Variants in NCOA1 observed in about 807,000 individuals in gnomAD.
The protein encoded by NCOA1 is Hin-2 protein.
NCOA1 carries 35 observed loss-of-function variants against 150.9 expected under a neutral mutation model. The ratio of observed to expected loss-of-function variants is 0.23; its 90% CI spans 0.18 to 0.31. NCOA1 has a LOEUF of 0.31. Among genes scored for constraint, NCOA1 ranks in the 10% least tolerant of loss-of-function variants. The pLI, the probability that NCOA1 is intolerant of heterozygous loss-of-function variation, is 1.00. For missense variants in NCOA1, 1,491 were observed against 1,749.3 expected (o/e 0.85, Z 2.63); for synonymous variants, 590 against 630.0 (o/e 0.94, Z 0.95).
chr2:24,649,019 C>A (rs1419524741), intron 4 of NCOA1, among the ~76,000 whole-genome samples: 1 of 151,866 alleles, frequency 6.6e-6, no homozygotes, highest in African/African-American at 2.4e-5. Context: ...TTTTTCTGCC[C>A]ACTATTATCT....
At chr2:24,575,666 C>T (rs1321851523) in intron 2 of NCOA1, among the ~76,000 whole-genome samples, 3 of 151,652 alleles carry the variant, frequency 2.0e-5, no homozygotes, top group South Asian at 4.2e-4. Context: ...CTCCACCTCC[C>T]GGGTTCACGC....
intron 1 of NCOA1, among the ~76,000 whole-genome samples, chr2:24,550,419 G>T (rs2148219861): frequency 6.6e-6 from 1 of 152,304 alleles, no homozygotes; most frequent in African/African-American, 2.4e-5. Context: ...TGGCAGAAGG[G>T]GAGGAGGAGT....
chr2:24,661,257 A>G (rs1005317610), intron 5 of NCOA1, among the ~76,000 whole-genome samples: 16 of 152,158 alleles, frequency 1.1e-4, no homozygotes, highest in African/African-American at 3.6e-4. Flanking sequence ...TTCCATGATG[A>G]TTAGATAAAC....
chr2:24,713,764 A>C (rs1673877677), intron 14 of NCOA1, among the ~76,000 whole-genome samples: 2 of 152,218 alleles, frequency 1.3e-5, no homozygotes. Flanking sequence ...AACCAAGTAC[A>C]GGTAGGAGGA....
chr2:24,745,440 G>T (rs561374745), intron 19 of NCOA1, among the ~76,000 whole-genome samples: 7 of 152,244 alleles, frequency 4.6e-5, no homozygotes, highest in African/African-American at 1.7e-4. Context: ...GGGATTACAG[G>T]CGTGAGCCAC....
At chr2:24,531,087 A>AAT (rs1664864634) in intron 1 of NCOA1, among the ~76,000 whole-genome samples, 1 of 152,194 alleles carries the variant, frequency 6.6e-6, no homozygotes, top group Admixed American at 6.5e-5. Context: ...TGCAAGAGAT[A>AAT]ATAAGTGTTG....
At chr2:24,634,457 A>G (rs1669842885) in intron 3 of NCOA1, among the ~76,000 whole-genome samples, 1 of 152,192 alleles carries the variant, frequency 6.6e-6, no homozygotes, top group African/African-American at 2.4e-5. Context: ...TGTTAGGTAC[A>G]TTATAGGTAC....
chr2:24,620,364 G>A (rs1224261467), intron 3 of NCOA1, among the ~76,000 whole-genome samples: 2 of 152,212 alleles, frequency 1.3e-5, no homozygotes, highest in Non-Finnish European at 2.9e-5. Flanking sequence ...AACACTTTGG[G>A]AGGCCGAGGT....
chr2:24,543,066 C>T (rs1665465425), intron 1 of NCOA1, among the ~76,000 whole-genome samples: 1 of 152,110 alleles, frequency 6.6e-6, no homozygotes, highest in Admixed American at 6.5e-5. Context: ...CAGAATATAC[C>T]TGAGACTGGT....
chr2:24,614,199 CTTTTTTTTTTTTTTTTTTTTTTTTTT>C (rs869113477), intron 3 of NCOA1, among the ~76,000 whole-genome samples: 2 of 9,174 alleles, frequency 2.2e-4, no homozygotes, highest in East Asian at 7.8e-3. Flanking sequence ...CATTTCCATT[CTTTTTTTTTTTTTTTTTTTTTTTTTT>C]TTTTTTGCTA....
At chr2:24,587,436 G>A (rs1319928975) in intron 3 of NCOA1, among the ~76,000 whole-genome samples, 1 of 152,176 alleles carries the variant, frequency 6.6e-6, no homozygotes, top group Non-Finnish European at 1.5e-5. Context: ...TAGTGAGGGA[G>A]ATAGGCTGTA....
At chr2:24,492,370 T>A (rs1663010405) in intron 1 of NCOA1, among the ~76,000 whole-genome samples, 1 of 152,148 alleles carries the variant, frequency 6.6e-6, no homozygotes, top group Non-Finnish European at 1.5e-5. Flanking sequence ...GTAAAAGACC[T>A]GAAAAAATCG....
At chr2:24,656,380 AGT>A (rs1161983815) in intron 4 of NCOA1, among the ~76,000 whole-genome samples, 1 of 152,224 alleles carries the variant, frequency 6.6e-6, no homozygotes, top group Non-Finnish European at 1.5e-5. Flanking sequence ...TATAGGGTAC[AGT>A]GTGATACTTT....
chr2:24,684,158 T>G (rs902927429), intron 8 of NCOA1, among the ~76,000 whole-genome samples: 1 of 152,210 alleles, frequency 6.6e-6, no homozygotes, highest in Non-Finnish European at 1.5e-5. Flanking sequence ...AAGATTTCTT[T>G]CCTTGGCCAT....
intron 13 of NCOA1, among the ~76,000 whole-genome samples, chr2:24,708,603 A>T (rs1241805339): frequency 6.6e-6 from 1 of 152,206 alleles, no homozygotes; most frequent in Admixed American, 6.5e-5. Context: ...TTTAAAAAAA[A>T]ATATGGCCCT....
chr2:24,520,309 A>C (rs890139477), intron 1 of NCOA1, among the ~76,000 whole-genome samples: 7 of 152,210 alleles, frequency 4.6e-5, no homozygotes, highest in African/African-American at 1.7e-4. Context: ...AGTTTTTATT[A>C]TAGCAATGTT....
chr2:24,544,617 C>T (rs1296456871), intron 1 of NCOA1, among the ~76,000 whole-genome samples: 1 of 152,074 alleles, frequency 6.6e-6, no homozygotes, highest in African/African-American at 2.4e-5. Flanking sequence ...GCAGTATGCA[C>T]TGTAGTCCCA....
intron 3 of NCOA1, among the ~76,000 whole-genome samples, chr2:24,588,108 A>G (rs1324377114): frequency 7.2e-5 from 11 of 151,946 alleles, no homozygotes; most frequent in Admixed American, 7.2e-4. Context: ...CTTTGGAGAC[A>G]GGATCTCATT....
At chr2:24,609,939 T>C (rs764343327) in intron 3 of NCOA1, among the ~76,000 whole-genome samples, 9 of 151,758 alleles carry the variant, frequency 5.9e-5, no homozygotes, top group Non-Finnish European at 1.0e-4. Flanking sequence ...TCATATGTTA[T>C]TTAGTGATAC....
Sources: allele counts gnomAD v4.1 joint callset (sites outside exome capture counted in the v4.1 genomes callset), GRCh38; gene constraint gnomAD v4.1.1; transcripts MANE v1.5; gene names NCBI Gene and HGNC (gene_info 2026-07-23, HGNC 2026-07-21).